CACNA1B: variants seen among roughly 807,000 people sequenced by gnomAD.
CACNA1B encodes voltage-dependent N-type calcium channel subunit alpha-1B.
In CACNA1B, 70 loss-of-function variants were observed where a neutral mutation model predicts 247.2. The observed-to-expected ratio is 0.28, with a 90% CI of 0.23 to 0.35. CACNA1B has a LOEUF of 0.35. Ranked by LOEUF, CACNA1B falls within the 10% of genes least tolerant of loss-of-function variation. The probability of loss-of-function intolerance (pLI) is 1.00; values close to 1 mark genes in which losing one functional copy is unlikely to be tolerated. For missense variants in CACNA1B, 2,367 were observed against 3,197.4 expected (o/e 0.74, Z 6.26); for synonymous variants, 1,231 against 1,294.4 (o/e 0.95, Z 1.05).
At chr9:137,933,480 A>C (rs1957630784) in intron 6 of CACNA1B, among the ~76,000 whole-genome samples, 1 of 152,066 alleles carries the variant, frequency 6.6e-6, no homozygotes, top group Non-Finnish European at 1.5e-5. Flanking sequence ...AGGGGATGCA[A>C]CTCCAGAAAG....
Position 138,073,162 on chromosome 9 carries a change from T to C in CACNA1B, c.4675-326T>C, listed in dbSNP as rs1247710286. Among the ~76,000 whole-genome samples, 1 of 152,178 alleles carries C rather than the reference T, an allele frequency of 6.6e-6. No individual in the cohort carries two copies. The highest frequency in any genetic ancestry group is 1.5e-5 in the Non-Finnish European group (1 of 68,020). ...GCTGGAGGCCCAGCCACAGGTGATC[T>C]CCCAGCTCACCTGGCAGCAGAGAGA... On this transcript the variant is annotated intron_variant, in intron 32 of 46. Transcript: ENST00000371372. This position sits in a 1 kb window ranked among gnomAD's most constrained non-coding sequence, Gnocchi z 6.4.
intron 39 of CACNA1B, among the ~76,000 whole-genome samples, chr9:138,109,973 G>A (rs1961565985): frequency 6.6e-6 from 1 of 152,092 alleles, no homozygotes; most frequent in Non-Finnish European, 1.5e-5. Flanking sequence ...AAAATTGCTT[G>A]AACCTGGGAG....
chr9:138,034,732 C>T (rs1469844152), intron 20 of CACNA1B, among the ~76,000 whole-genome samples: 3 of 152,102 alleles, frequency 2.0e-5, no homozygotes, highest in Admixed American at 1.3e-4. Context: ...TATTTTCTTT[C>T]TTCCTTCTAC....
Position 138,075,812 on chromosome 9 carries a change from A to T in CACNA1B, c.4858-7A>T, listed in dbSNP as rs375757156. 8.8e-6 allele frequency: 14 copies of T among 1,592,082 alleles called. No homozygotes were observed. The African/African-American group carries it at 1.7e-4, about 20-fold the overall frequency. On this transcript the variant is annotated splice_region_variant and splice_polypyrimidine_tract_variant and intron_variant, in intron 34 of 46. Transcript: ENST00000371372. The stretch of plus-strand genomic sequence containing the variant: ...AGGGTCCGTGCCATTGCTCTTCTCC[A>T]TTGCAGGTGTTTGGGAATATTGCCC...
chr9:138,025,141 G>T lies in CACNA1B; in HGVS notation c.3255G>T (p.Thr1085=). 6.2e-7 allele frequency: 1 copy of T among 1,612,234 alleles called. No individual in the cohort carries two copies. Among genetic ancestry groups the T allele is most frequent in the East Asian group, 2.2e-5 (1 of 44,806 alleles). ...NTIVHIPVML[T]GPLGEATVVP... ...TTGTACATATCCCAGTGATGCTGAC[G>T]GGCCCTCTTGGGGAAGCCACGGTCG... Residue 1085 remains threonine (T), a synonymous_variant, in exon 20 of 47, where the codon ACG becomes ACT. Coordinates refer to ENST00000371372, the MANE Select transcript of CACNA1B (RefSeq NM_000718.4).
rs757712520 is a variant in CACNA1B at position 138,025,131 on chromosome 9, T to C, written c.3245T>C (p.Val1082Ala). 6.2e-7 allele frequency: 1 copy of C among 1,613,186 alleles called. No homozygotes were observed. Among genetic ancestry groups the C allele is most frequent in the South Asian group, 1.1e-5 (1 of 90,786 alleles). The change falls in exon 20 of 47, where the codon GTG (valine) becomes GCG (alanine). Residue 1082 changes from valine to alanine, a missense_variant. Val to Ala is a moderately conservative substitution (Grantham distance 64, BLOSUM62 0). Around this residue, in one of 12 missense-constraint regions of CACNA1B, gnomAD observed 631 missense variants for 631.1 expected, o/e 1.00. Coordinates refer to ENST00000371372, the MANE Select transcript of CACNA1B (RefSeq NM_000718.4). ...CCGAACACTATTGTACATATCCCAG[T>C]GATGCTGACGGGCCCTCTTGGGGAA... ...PDPNTIVHIPVMLTGPLGEAT... is the reference protein window; with the variant it reads ...PDPNTIVHIPAMLTGPLGEAT...
rs147172456 is a variant in CACNA1B, at chr9:138,000,378, A to T, written c.1975-6389A>T. ...CTCCCAAAGTGCTGGGATTACAGAC[A>T]TGAGCCACCGTGCCTGGCCAAAACA... On this transcript the variant is annotated intron_variant, in intron 15 of 46. Transcript: ENST00000371372. Among the ~76,000 whole-genome samples the T allele has an allele frequency of 3.2e-4, 48 of 152,318 alleles. 2 individuals carry two copies. In the South Asian group the frequency reaches 7.3e-3, roughly 23 times the overall value.
chr9:138,043,850 C>T lies in CACNA1B; in HGVS notation c.3363C>T (p.Pro1121=), dbSNP rs368506421. ...CGGATGACGTGATGAGGAGCGGCCC[C>T]CGGCCTATCGTCCCATACAGCTCCA... ...VEADDVMRSG[P]RPIVPYSSMF... Residue 1121 remains proline, a synonymous_variant, in exon 21 of 47, where the codon CCC becomes CCT. Transcript: ENST00000371372. 43 of 1,614,008 alleles carry T rather than the reference C, an allele frequency of 2.7e-5. 1 individual carries two copies. The African/African-American group carries it at 5.5e-4, about 21-fold the overall frequency.
chr9:138,046,017 C>T (rs544573555), intron 21 of CACNA1B, among the ~76,000 whole-genome samples: 5 of 152,174 alleles, frequency 3.3e-5, no homozygotes, highest in Non-Finnish European at 7.4e-5. Context: ...CCACCTGCTC[C>T]GTCCACGGCT....
At chr9:137,988,868 A>G (rs987612827) in intron 15 of CACNA1B, among the ~76,000 whole-genome samples, 12 of 152,172 alleles carry the variant, frequency 7.9e-5, no homozygotes, top group African/African-American at 2.9e-4. Context: ...GGCAGGGCTG[A>G]CTGGTGGCTA....
chr9:138,075,719 G>A, intron 34 of CACNA1B, 100 bp from the exon 35 acceptor site: 6 of 726,436 alleles, frequency 8.3e-6, no homozygotes, highest in East Asian at 2.7e-5. Flanking sequence ...CATCTCACGT[G>A]GGGTCCTTGT....
Position 137,955,658 on chromosome 9 carries a change from G to A in CACNA1B, c.1071-40G>A. ...CTGGGGCTGCACACCTGTGGGGCTT[G>A]CACTCACCTGATCTTGCTTTTCCGG... On this transcript the variant is annotated intron_variant, in intron 7 of 46. Coordinates refer to ENST00000371372, the MANE Select transcript of CACNA1B (RefSeq NM_000718.4). The surrounding 1 kb of genome is among the most constrained non-coding windows in gnomAD (Gnocchi z 6.9). The A allele has an allele frequency of 1.5e-6, 2 of 1,349,784 alleles. No individual in the cohort carries two copies. Among genetic ancestry groups the A allele is most frequent in the Non-Finnish European group, 2.1e-6 (2 of 951,488 alleles). 83.6% of individuals were successfully genotyped at this position (1,349,784 alleles called of 1,614,324 possible).
chr9:138,056,996 C>T (rs1429646119), intron 26 of CACNA1B, among the ~76,000 whole-genome samples: 7 of 131,810 alleles, frequency 5.3e-5, no homozygotes, highest in Admixed American at 1.7e-4. Context: ...AGTGCAGTGG[C>T]GCGATCTCGG....
At chr9:138,017,896 G>C (rs1176383922) in intron 18 of CACNA1B, among the ~76,000 whole-genome samples, 1 of 151,752 alleles carries the variant, frequency 6.6e-6, no homozygotes, top group Non-Finnish European at 1.5e-5. Flanking sequence ...CCCTGAAGTG[G>C]TCAGGTGCAG....
intron 3 of CACNA1B, among the ~76,000 whole-genome samples, chr9:137,897,804 C>G (rs540445991): frequency 6.6e-6 from 1 of 151,816 alleles, no homozygotes; most frequent in Non-Finnish European, 1.5e-5. Context: ...CTCAGCCTCC[C>G]GAGTAGCTGG....
intron 2 of CACNA1B, among the ~76,000 whole-genome samples, 186 bp downstream of exon 2, chr9:137,879,345 G>A (rs751912761): frequency 7.2e-5 from 11 of 152,252 alleles, no homozygotes; most frequent in Non-Finnish European, 1.5e-4. Context: ...TGGGGTCACC[G>A]GCTTAGCCCT....
In CACNA1B at chr9:138,070,710, C is replaced by T. The variant is rs141035999; in HGVS notation, c.4674+947C>T. Among the ~76,000 whole-genome samples the T allele has an allele frequency of 1.8e-3, 267 of 152,362 alleles. 1 individual carries two copies. The highest frequency in any genetic ancestry group is 5.5e-3 in the African/African-American group (228 of 41,584). ...CAATGTCATCTGCACGCATCCAGCTCGTGCCAGTCAGGCCTCTGCTCAGCG... is the reference window on the plus strand; with the variant it reads ...CAATGTCATCTGCACGCATCCAGCTTGTGCCAGTCAGGCCTCTGCTCAGCG... On this transcript the variant is annotated intron_variant, in intron 32 of 46. Transcript: ENST00000371372.
chr9:138,043,957 C>A, intron 21 of CACNA1B, 57 bp downstream of exon 21: 1 of 1,588,612 alleles, frequency 6.3e-7, no homozygotes, highest in South Asian at 1.1e-5. Flanking sequence ...GCATCATGAC[C>A]CGTGGGATCT....
At chr9:138,069,888 A>G in intron 32 of CACNA1B, 125 bp downstream of exon 32, 3 of 826,228 alleles carry the variant, frequency 3.6e-6, no homozygotes, top group South Asian at 1.4e-5. Flanking sequence ...ATGCGGCTGC[A>G]TCCACTCACC....
Sources: gnomAD v4.1 joint callset for allele counts (sites outside exome capture counted in the v4.1 genomes callset) on GRCh38, gnomAD v4.1.1 for gene constraint, gnomAD v4.1.1 regional missense constraint, Gnocchi (gnomAD v3.1) non-coding constraint, MANE v1.5 for transcripts, NCBI Gene and HGNC (gene_info 2026-07-23, HGNC 2026-07-21) for gene names.